Variants in SLC10A7 observed in about 807,000 individuals in gnomAD.
SLC10A7 encodes sodium/bile acid cotransporter 7.
Under a neutral mutation model 43.2 loss-of-function variants are expected in SLC10A7, and 29 were observed. The observed-to-expected ratio is 0.67, with a 90% CI of 0.50 to 0.92. SLC10A7 has a LOEUF of 0.92. Among genes scored for constraint, SLC10A7 ranks in the 40% least tolerant of loss-of-function variants. SLC10A7 has a pLI of 0.00. For synonymous variants in SLC10A7, 152 were observed against 144.8 expected, an observed-to-expected ratio of 1.05 and a Z score of -0.35; for missense variants, 295 against 403.2, an observed-to-expected ratio of 0.73 and a Z score of 2.30.
At chr4:146,514,535 A>C (rs1279163290) in intron 2 of SLC10A7, 1 of 152,212 alleles carries the variant, frequency 6.6e-6, no homozygotes, top group Non-Finnish European at 1.5e-5. Context: ...TGTCCTTTAT[A>C]ATTTTAACAA....
At chr4:146,338,107 A>AT (rs964003962) in intron 5 of SLC10A7, among the ~76,000 whole-genome samples, 28 of 151,808 alleles carry the variant, frequency 1.8e-4, no homozygotes, top group African/African-American at 6.3e-4. Context: ...GCATGCAATA[A>AT]TTTTTTTTGC....
intron 9 of SLC10A7, among the ~76,000 whole-genome samples, chr4:146,287,489 C>A (rs968800700): frequency 2.6e-5 from 4 of 152,020 alleles, no homozygotes; most frequent in Non-Finnish European, 5.9e-5. Context: ...AACGGGCAAG[C>A]AGAGGCAAGT....
intron 5 of SLC10A7, among the ~76,000 whole-genome samples, chr4:146,392,463 G>A (rs1295380481): frequency 6.6e-6 from 1 of 152,100 alleles, no homozygotes; most frequent in Admixed American, 6.5e-5. Flanking sequence ...GTCTATATAT[G>A]TGCATGTATA....
At chr4:146,445,891 CTGTGTGTG>C (rs10678013) in intron 4 of SLC10A7, among the ~76,000 whole-genome samples, 19 of 148,690 alleles carry the variant, frequency 1.3e-4, no homozygotes, top group African/African-American at 4.4e-4. Flanking sequence ...CTTCTCTCTT[CTGTGTGTG>C]TGTGTGTGTG....
intron 5 of SLC10A7, among the ~76,000 whole-genome samples, chr4:146,342,941 A>G (rs1216113451): frequency 1.3e-5 from 2 of 151,866 alleles, no homozygotes; most frequent in African/African-American, 4.8e-5. Context: ...ATAATGAAAA[A>G]GCAAAGTTTT....
intron 5 of SLC10A7, among the ~76,000 whole-genome samples, chr4:146,388,087 G>C (rs1345178565): frequency 6.6e-6 from 1 of 152,042 alleles, no homozygotes; most frequent in Non-Finnish European, 1.5e-5. Context: ...AAAATTCACA[G>C]GGAACTAAAA....
At chr4:146,511,237 C>T (rs1308054329) in intron 2 of SLC10A7, among the ~76,000 whole-genome samples, 1 of 152,100 alleles carries the variant, frequency 6.6e-6, no homozygotes, top group Non-Finnish European at 1.5e-5. Flanking sequence ...AATTAGTTAA[C>T]CTCTAGGATT....
Position 146,521,611 on chromosome 4 carries a change from C to T in SLC10A7, c.100+7G>A, listed in dbSNP as rs748624584. ...CGCGGTGGAGCCGGCAGAGGTGCAG[C>T]ACTTACCCCCATTCACCCCTATGGA... On this transcript the variant is annotated splice_region_variant and intron_variant, in intron 1 of 11. Coordinates refer to ENST00000335472, the MANE Select transcript of SLC10A7 (RefSeq NM_001029998.6). 4.3e-6 allele frequency: 7 copies of T among 1,611,390 alleles called. No individual in the cohort carries two copies. The highest frequency in any genetic ancestry group is 5.9e-6 in the Non-Finnish European group (7 of 1,177,668).
chr4:146,309,482 G>A (rs1019361932), intron 6 of SLC10A7, among the ~76,000 whole-genome samples: 7 of 152,034 alleles, frequency 4.6e-5, no homozygotes, highest in Non-Finnish European at 1.0e-4. Context: ...TGGGAGTTGT[G>A]GTGAGAATTG....
At chr4:146,322,240 C>CT (rs1732760568) in intron 6 of SLC10A7, among the ~76,000 whole-genome samples, 1 of 152,002 alleles carries the variant, frequency 6.6e-6, no homozygotes, top group South Asian at 2.1e-4. Context: ...TATTATTATA[C>CT]TTTAAGTTCT....
chr4:146,437,946 T>C (rs1730323591), intron 5 of SLC10A7, among the ~76,000 whole-genome samples: 1 of 152,072 alleles, frequency 6.6e-6, no homozygotes, highest in South Asian at 2.1e-4. Flanking sequence ...ATCTTTGTCA[T>C]TCACTAGGGT....
At chr4:146,450,150 T>C (rs987612199) in intron 4 of SLC10A7, among the ~76,000 whole-genome samples, 1 of 152,186 alleles carries the variant, frequency 6.6e-6, no homozygotes, top group Non-Finnish European at 1.5e-5. Context: ...CTGTGGGTTC[T>C]GCATCTGTGG....
chr4:146,273,509 C>T (rs562253501), intron 10 of SLC10A7, among the ~76,000 whole-genome samples: 9 of 152,122 alleles, frequency 5.9e-5, no homozygotes, highest in African/African-American at 1.9e-4. Context: ...ATAACTATCT[C>T]GAAGGGTGGT....
At chr4:146,280,328 T>C (rs1729467743) in intron 10 of SLC10A7, among the ~76,000 whole-genome samples, 1 of 152,188 alleles carries the variant, frequency 6.6e-6, no homozygotes, top group African/African-American at 2.4e-5. Flanking sequence ...TAACTCTAAC[T>C]GATATTACCT....
intron 5 of SLC10A7, among the ~76,000 whole-genome samples, chr4:146,382,656 C>A (rs531579570): frequency 6.6e-6 from 1 of 152,234 alleles, no homozygotes; most frequent in African/African-American, 2.4e-5. Flanking sequence ...ATGGACTGAG[C>A]AGTTCTAAGC....
intron 5 of SLC10A7, among the ~76,000 whole-genome samples, chr4:146,375,415 C>T (rs7670877): frequency 0.82 from 124,806 of 152,100 alleles, 51,991 homozygotes; most frequent in African/African-American, 0.95. Context: ...GAAATCCTCA[C>T]GCTTAACTCC....
At chr4:146,339,999 C>T (rs72950677) in intron 5 of SLC10A7, among the ~76,000 whole-genome samples, 277 of 151,464 alleles carry the variant, frequency 1.8e-3, no homozygotes, top group African/African-American at 6.2e-3. Flanking sequence ...CGACAGGTCC[C>T]GGTGTGTGAT....
Position 146,256,459 on chromosome 4 carries a change from T to C in SLC10A7, c.*32A>G, listed in dbSNP as rs750767276. On this transcript the variant is annotated 3_prime_UTR_variant, in exon 12 of 12. Coordinates refer to ENST00000335472, the MANE Select transcript of SLC10A7 (RefSeq NM_001029998.6). ...GCTAGTATGTACAATCCTGTACATATATACATTGCTACAGAAAGTCCACCT... is the reference window on the plus strand; with the variant it reads ...GCTAGTATGTACAATCCTGTACATACATACATTGCTACAGAAAGTCCACCT... The C allele has an allele frequency of 3.7e-6, 6 of 1,610,480 alleles. No homozygotes were observed. Among genetic ancestry groups the C allele is most frequent in the East Asian group, 4.5e-5 (2 of 44,872 alleles).
intron 5 of SLC10A7, among the ~76,000 whole-genome samples, chr4:146,351,735 A>G (rs987926945): frequency 3.4e-5 from 5 of 147,344 alleles, no homozygotes; most frequent in Non-Finnish European, 6.0e-5. Context: ...AATATTCAAC[A>G]TTCTTAAAGA....
Sources: gnomAD v4.1 joint callset for allele counts (sites outside exome capture counted in the v4.1 genomes callset) on GRCh38, gnomAD v4.1.1 for gene constraint, MANE v1.5 for transcripts, NCBI Gene and HGNC (gene_info 2026-07-23, HGNC 2026-07-21) for gene names.